DST: variants seen among roughly 807,000 people sequenced by gnomAD.
The protein encoded by DST is dystonin.
Under a neutral mutation model 875.2 loss-of-function variants are expected in DST, and 253 were observed. The ratio of observed to expected loss-of-function variants is 0.29; its 90% CI spans 0.26 to 0.32. The LOEUF is 0.32. Among genes scored for constraint, DST ranks in the 10% least tolerant of loss-of-function variants. The pLI is 1.00. For synonymous variants in DST, 3,124 were observed against 3,197.1 expected (o/e 0.98, Z 0.77); for missense variants, 8,287 against 9,111.6 (o/e 0.91, Z 3.68).
chr6:56,616,003 G>A (rs775486160), intron 36 of DST: 3 of 1,614,166 alleles, frequency 1.9e-6, no homozygotes, highest in South Asian at 1.1e-5. Flanking sequence ...GATCAATTAT[G>A]CCCCCTGTAC....
At position 56,604,993 on chromosome 6, in the gene DST, G is replaced by A; in HGVS notation, c.9635C>T (p.Pro3212Leu). 6.2e-7 allele frequency: 1 copy of A among 1,612,822 alleles called. No homozygotes were observed. The highest frequency in any genetic ancestry group is 1.7e-5 in the Admixed American group (1 of 59,834). The change falls in exon 40 of 104, where the codon CCT becomes CTT. Residue 3212 changes from proline to leucine, a missense_variant. Around this residue, in one of 10 missense-constraint regions of DST, gnomAD observed 3,138 missense variants for 3,116.6 expected, o/e 1.01. Coordinates refer to ENST00000680361, the MANE Select transcript of DST (RefSeq NM_001374736.1). ...TAATTGTAAATGTTCTTTCATGGGA[G>A]GGGCAGTTATTAAAACATGGCTTGG... ...DVPSHVLITA[P>L]PMKEHLQLGV... is the part of the protein sequence containing the mutation.
intron 4 of DST, among the ~76,000 whole-genome samples, chr6:56,815,617 T>C (rs2099765591): frequency 6.6e-6 from 1 of 152,208 alleles, no homozygotes; most frequent in African/African-American, 2.4e-5. Context: ...AAGATGCCTC[T>C]GAAGCCCAAG....
Position 56,617,240 on chromosome 6 carries a change from C to A in DST, c.4930-2756G>T, listed in dbSNP as rs1300738118. On this transcript the variant is annotated intron_variant, in intron 36 of 103. Coordinates refer to ENST00000680361, the MANE Select transcript of DST (RefSeq NM_001374736.1). The stretch of plus-strand genomic sequence containing the variant: ...ATCCCTGACTGAACATGCATGATCA[C>A]CATCAAAGTTCTGGAAGGTCTCTGG... The A allele has an allele frequency of 2.5e-6, 4 of 1,607,922 alleles. No individual in the cohort carries two copies. The South Asian group carries it at 4.4e-5, about 18-fold the overall frequency.
chr6:56,590,513 T>A (rs944627879), intron 49 of DST, among the ~76,000 whole-genome samples: 1 of 152,112 alleles, frequency 6.6e-6, no homozygotes, highest in African/African-American at 2.4e-5. Flanking sequence ...TGTCACAGTA[T>A]CTCCTCTACC....
chr6:56,790,847 T>C (rs950642481), intron 4 of DST, among the ~76,000 whole-genome samples: 2 of 152,196 alleles, frequency 1.3e-5, no homozygotes, highest in African/African-American at 4.8e-5. Context: ...AAGCTTTCCG[T>C]TGTTTTGAAC....
At chr6:56,491,525 T>A (rs1262161762) in intron 85 of DST, among the ~76,000 whole-genome samples, 3 of 152,152 alleles carry the variant, frequency 2.0e-5, no homozygotes, top group African/African-American at 7.2e-5. Context: ...GTGTTTAGTC[T>A]AGAATGGAAT....
chr6:56,946,844 T>G (rs865824395), intron 2 of DST, among the ~76,000 whole-genome samples: 1 of 152,138 alleles, frequency 6.6e-6, no homozygotes, highest in Non-Finnish European at 1.5e-5. Flanking sequence ...AAGGAAGAAG[T>G]TGAAAAGTTG....
chr6:56,563,204 C>T (rs2097569495), intron 55 of DST, among the ~76,000 whole-genome samples: 1 of 152,190 alleles, frequency 6.6e-6, no homozygotes, highest in Admixed American at 6.5e-5. Context: ...CTCCCATCAA[C>T]AGTGTAAAAG....
intron 2 of DST, among the ~76,000 whole-genome samples, chr6:56,938,108 C>CTCTCTCTATATATATATATATATA (rs1383243392): frequency 1.1e-4 from 13 of 120,752 alleles, no homozygotes; most frequent in African/African-American, 3.5e-4. Flanking sequence ...CTCTCTCTCT[C>CTCTCTCTATATATATATATATATA]TATATATATA....
chr6:56,619,936 C>G, intron 36 of DST: 1 of 1,614,130 alleles, frequency 6.2e-7, no homozygotes, highest in African/African-American at 1.3e-5. Context: ...CATCTACCTG[C>G]TGTTTGAGTT....
intron 4 of DST, chr6:56,742,375 C>G: frequency 7.8e-7 from 1 of 1,289,030 alleles, no homozygotes; most frequent in South Asian, 1.2e-5. Flanking sequence ...TCCCTAAACT[C>G]TCTCCGTACA....
At chr6:56,834,951 T>C (rs1299853885) in intron 4 of DST, among the ~76,000 whole-genome samples, 1 of 152,238 alleles carries the variant, frequency 6.6e-6, no homozygotes, top group Non-Finnish European at 1.5e-5. Context: ...AACCAAGATG[T>C]CCTTCAGTCG....
Position 56,615,625 on chromosome 6 carries a change from A to T in DST, c.4930-1141T>A, listed in dbSNP as rs781669086. 1 of 1,614,106 alleles carries T rather than the reference A, an allele frequency of 6.2e-7. No individual in the cohort carries two copies. Among genetic ancestry groups the T allele is most frequent in the African/African-American group, 1.3e-5 (1 of 75,050 alleles). The stretch of plus-strand genomic sequence containing the variant: ...AATCAGCTTTTTCTAAGGCTTCTTT[A>T]TATGTCAACTTTCTTTTTGTCTGAG... On this transcript the variant is annotated intron_variant, in intron 36 of 103. Transcript: ENST00000680361.
chr6:56,591,460 C>T (rs1476877552), intron 49 of DST, among the ~76,000 whole-genome samples: 1 of 152,048 alleles, frequency 6.6e-6, no homozygotes, highest in African/African-American at 2.4e-5. Flanking sequence ...TATTGAGTAC[C>T]AACTTTGGGC....
chr6:56,856,458 ATGTG>A (rs1767897698), intron 3 of DST, among the ~76,000 whole-genome samples: 1 of 152,206 alleles, frequency 6.6e-6, no homozygotes, highest in African/African-American at 2.4e-5. Flanking sequence ...ACATTTCTGT[ATGTG>A]TATTTCAAAA....
At chr6:56,563,554 GT>G (rs2097580844) in intron 55 of DST, among the ~76,000 whole-genome samples, 1 of 152,130 alleles carries the variant, frequency 6.6e-6, no homozygotes, top group Non-Finnish European at 1.5e-5. Flanking sequence ...TCTGATGATA[GT>G]TTCTTATGCT....
chr6:56,772,550 G>GC (rs1197516234), intron 4 of DST, among the ~76,000 whole-genome samples: 1 of 152,150 alleles, frequency 6.6e-6, no homozygotes, highest in African/African-American at 2.4e-5. Context: ...TTAAAGGAAT[G>GC]CCCCATATGA....
At position 56,536,875 on chromosome 6, in the gene DST, T is replaced by A. The variant is rs774052925; in HGVS notation, c.16674A>T (p.Gln5558His). The change falls in exon 62 of 104, where the codon CAA becomes CAT. Residue 5558 changes from glutamine to histidine, a missense_variant. Gln to His is a conservative substitution (Grantham distance 24, BLOSUM62 0). Around this residue, in one of 10 missense-constraint regions of DST, gnomAD observed 777 missense variants for 764.8 expected, o/e 1.02. Coordinates refer to ENST00000680361, the MANE Select transcript of DST (RefSeq NM_001374736.1). The part of the protein sequence containing the change: ...GKQQDVNWLG[Q>H]GLIQSAAKST... ...TTTTGGCAGCACTCTGAATAAGGCC[T>A]TGACCTAACCAGTTTACATCTTGCT... 3 of 1,613,952 alleles carry A rather than the reference T, an allele frequency of 1.9e-6. No homozygotes were observed. Among genetic ancestry groups the A allele is most frequent in the Non-Finnish European group, 2.5e-6 (3 of 1,179,832 alleles).
At chr6:56,781,116 T>G (rs1398382872) in intron 4 of DST, among the ~76,000 whole-genome samples, 1 of 152,172 alleles carries the variant, frequency 6.6e-6, no homozygotes, top group Non-Finnish European at 1.5e-5. Flanking sequence ...CATGCTGTTT[T>G]GGTTACTGTA....
Sources: allele counts gnomAD v4.1 joint callset (sites outside exome capture counted in the v4.1 genomes callset), GRCh38; gene constraint gnomAD v4.1.1; regional missense constraint gnomAD v4.1.1; transcripts MANE v1.5; gene names NCBI Gene and HGNC (gene_info 2026-07-23, HGNC 2026-07-21).